Variants in UMAD1 observed in about 807,000 individuals in gnomAD.
UMAD1 encodes UBAP1-MVB12-associated (UMA) domain containing 1.
A neutral mutation model predicts 6.1 loss-of-function variants in UMAD1; 8 were observed. The ratio of observed to expected loss-of-function variants is 1.30; its 90% CI spans 0.76 to 2.35. The LOEUF is 2.35. Among genes scored for constraint, UMAD1 ranks in the 30% most tolerant of loss-of-function variants. The pLI, the probability that UMAD1 is intolerant of heterozygous loss-of-function variation, is 0.00. For synonymous variants in UMAD1, 56 were observed against 31.4 expected, an observed-to-expected ratio of 1.78 and a Z score of -2.61; for missense variants, 130 against 78.4, an observed-to-expected ratio of 1.66 and a Z score of -2.49.
chr7:7,839,690 T>C (rs182496528), intron 3 of UMAD1, among the ~76,000 whole-genome samples: 19 of 152,274 alleles, frequency 1.2e-4, no homozygotes, highest in African/African-American at 4.6e-4. Context: ...AAGAACAAAG[T>C]TCTTAAGAAG....
At chr7:7,749,083 TC>T (rs577510347) in intron 2 of UMAD1, among the ~76,000 whole-genome samples, 53 of 152,360 alleles carry the variant, frequency 3.5e-4, no homozygotes, top group African/African-American at 1.2e-3. Context: ...TTTTAAACTT[TC>T]TAGCATGAGC....
chr7:7,855,953 A>G (rs953812221), intron 3 of UMAD1, among the ~76,000 whole-genome samples: 7 of 152,222 alleles, frequency 4.6e-5, no homozygotes, highest in Non-Finnish European at 7.3e-5. Flanking sequence ...GCTAAAGCAT[A>G]GCAGGAATGA....
chr7:7,656,573 T>A (rs1785349228), intron 1 of UMAD1, among the ~76,000 whole-genome samples: 1 of 152,146 alleles, frequency 6.6e-6, no homozygotes, highest in South Asian at 2.1e-4. Context: ...GGTGTTTGGT[T>A]TTCTGTTCTT....
chr7:7,725,630 T>C (rs893782360), intron 2 of UMAD1, among the ~76,000 whole-genome samples: 1 of 152,226 alleles, frequency 6.6e-6, no homozygotes, highest in Non-Finnish European at 1.5e-5. Context: ...GGGTGCTTTC[T>C]GACCCATCTA....
chr7:7,836,352 C>G (rs1382777804), intron 3 of UMAD1, among the ~76,000 whole-genome samples: 2 of 151,966 alleles, frequency 1.3e-5, no homozygotes, highest in East Asian at 1.9e-4. Flanking sequence ...ATGTTATAAT[C>G]TTTGGTTTGC....
At chr7:7,825,786 A>C (rs1234432082) in intron 3 of UMAD1, among the ~76,000 whole-genome samples, 1 of 152,168 alleles carries the variant, frequency 6.6e-6, no homozygotes, top group African/African-American at 2.4e-5. Flanking sequence ...ATCACCACTC[A>C]AATAGGATTC....
intron 2 of UMAD1, among the ~76,000 whole-genome samples, chr7:7,792,992 C>G (rs1429289161): frequency 6.6e-6 from 1 of 152,182 alleles, no homozygotes; most frequent in Non-Finnish European, 1.5e-5. Flanking sequence ...TTACTACCAA[C>G]ACACTGGGGA....
intron 3 of UMAD1, among the ~76,000 whole-genome samples, chr7:7,861,095 T>C (rs191853854): frequency 3.9e-5 from 6 of 152,246 alleles, no homozygotes; most frequent in African/African-American, 1.2e-4. Flanking sequence ...TACCCAGGGC[T>C]TGGGGAGAGG....
intron 2 of UMAD1, among the ~76,000 whole-genome samples, chr7:7,710,999 A>T (rs1208443404): frequency 6.6e-6 from 1 of 152,196 alleles, no homozygotes; most frequent in Non-Finnish European, 1.5e-5. Flanking sequence ...AACTGTACAC[A>T]AAAAATAGAG....
intron 2 of UMAD1, among the ~76,000 whole-genome samples, chr7:7,732,635 C>T (rs527357941): frequency 2.0e-5 from 3 of 152,326 alleles, no homozygotes; most frequent in Non-Finnish European, 2.9e-5. Flanking sequence ...AAACATTCTA[C>T]AGCTGCTGCC....
At chr7:7,857,309 T>A (rs1475666529) in intron 3 of UMAD1, among the ~76,000 whole-genome samples, 1 of 152,230 alleles carries the variant, frequency 6.6e-6, no homozygotes, top group African/African-American at 2.4e-5. Context: ...GCCTCTGATA[T>A]AATCTCTTAG....
intron 3 of UMAD1, among the ~76,000 whole-genome samples, chr7:7,828,703 CT>C (rs539373371): frequency 6.1e-4 from 93 of 152,014 alleles, no homozygotes; most frequent in African/African-American, 2.1e-3. Flanking sequence ...TTTCCTTCTC[CT>C]TTTTGCCTTT....
chr7:7,670,504 G>T (rs917575680), intron 1 of UMAD1, among the ~76,000 whole-genome samples: 4 of 152,098 alleles, frequency 2.6e-5, no homozygotes, highest in African/African-American at 4.8e-5. Flanking sequence ...CTAACGATTC[G>T]GTGGTTCTCA....
intron 3 of UMAD1, among the ~76,000 whole-genome samples, chr7:7,850,080 A>T (rs886734321): frequency 1.3e-5 from 2 of 152,174 alleles, no homozygotes; most frequent in Non-Finnish European, 2.9e-5. Flanking sequence ...CTAGAGACCA[A>T]TTTGGCAATA....
At chr7:7,645,632 G>T (rs1016927978) in intron 1 of UMAD1, among the ~76,000 whole-genome samples, 1 of 152,128 alleles carries the variant, frequency 6.6e-6, no homozygotes, top group African/African-American at 2.4e-5. Context: ...TTCCTAGTTT[G>T]ATAAGCATTT....
intron 3 of UMAD1, among the ~76,000 whole-genome samples, chr7:7,859,641 TCA>T (rs1291791015): frequency 6.6e-6 from 1 of 152,160 alleles, no homozygotes; most frequent in Admixed American, 6.5e-5. Context: ...TCGCTTAAGG[TCA>T]CACGGTTTAG....
At chr7:7,661,819 G>C (rs1357450456) in intron 1 of UMAD1, among the ~76,000 whole-genome samples, 1 of 152,204 alleles carries the variant, frequency 6.6e-6, no homozygotes, top group Admixed American at 6.5e-5. Flanking sequence ...CTGACCCTTA[G>C]CAGAGTTTGA....
chr7:7,860,789 T>A (rs7784735), intron 3 of UMAD1, among the ~76,000 whole-genome samples: 75,250 of 124,524 alleles, frequency 0.6, 20,602 homozygotes, highest in African/African-American at 0.67. Flanking sequence ...AAAAAAAAAA[T>A]AACAAAAAAA....
intron 2 of UMAD1, among the ~76,000 whole-genome samples, chr7:7,775,453 A>T (rs191888984): frequency 6.6e-6 from 1 of 152,196 alleles, no homozygotes; most frequent in Admixed American, 6.5e-5. Context: ...GCTGTCTCTC[A>T]TTCTCTTTCC....
Sources: allele counts gnomAD v4.1 joint callset (sites outside exome capture counted in the v4.1 genomes callset), GRCh38; gene constraint gnomAD v4.1.1; transcripts MANE v1.5; gene names NCBI Gene and HGNC (gene_info 2026-07-23, HGNC 2026-07-21).